Variants in ADCY9 observed in about 807,000 individuals in gnomAD.
The protein encoded by ADCY9 is adenylate cyclase 9.
In ADCY9, 50 loss-of-function variants were observed where a neutral mutation model predicts 101.5. The observed-to-expected ratio is 0.49, with a 90% CI of 0.39 to 0.62. The LOEUF (loss-of-function observed/expected upper bound fraction) is 0.62. Ranked by LOEUF, ADCY9 falls within the 20% of genes least tolerant of loss-of-function variation. The pLI is 0.00. For synonymous variants in ADCY9, 905 were observed against 769.3 expected, an observed-to-expected ratio of 1.18 and a Z score of -2.92; for missense variants, 1,662 against 1,800.4, an observed-to-expected ratio of 0.92 and a Z score of 1.39.
Position 3,966,849 on chromosome 16 carries a change from C to T in ADCY9, c.2988G>A (p.Leu996=). ...GGTAGCTGACTTCAAATTCGCGATTCAGGAACCAGACCAACAAGAGCAGGA... is the reference window on the plus strand; with the variant it reads ...GGTAGCTGACTTCAAATTCGCGATTTAGGAACCAGACCAACAAGAGCAGGA... ...FFLLLLLVWF[L]NREFEVSYRL... Residue 996 remains leucine (L), a synonymous_variant, in exon 11 of 11, where the codon CTG becomes CTA. Transcript: ENST00000294016. The T allele has an allele frequency of 6.2e-7, 1 of 1,614,200 alleles. No homozygotes were observed. The highest frequency in any genetic ancestry group is 1.3e-5 in the African/African-American group (1 of 75,060).
chr16:4,010,035 A>T (rs985058775), intron 2 of ADCY9, among the ~76,000 whole-genome samples: 1 of 152,162 alleles, frequency 6.6e-6, no homozygotes, highest in Admixed American at 6.5e-5. Flanking sequence ...GAGAGGAGGG[A>T]CATTTTTTTG....
At chr16:4,053,866 C>G (rs779297825) in intron 2 of ADCY9, among the ~76,000 whole-genome samples, 3 of 152,122 alleles carry the variant, frequency 2.0e-5, no homozygotes, top group Admixed American at 1.3e-4. Context: ...TTGCAAGGGT[C>G]TTCTGGATAG....
At chr16:4,047,576 C>T (rs1017727532) in intron 2 of ADCY9, among the ~76,000 whole-genome samples, 3 of 152,034 alleles carry the variant, frequency 2.0e-5, no homozygotes, top group Non-Finnish European at 4.4e-5. Context: ...CACTGGTATT[C>T]GTTCAAGATG....
At chr16:4,021,040 T>C (rs775889048) in intron 2 of ADCY9, among the ~76,000 whole-genome samples, 33 of 152,280 alleles carry the variant, frequency 2.2e-4, no homozygotes, top group Non-Finnish European at 4.0e-4. Context: ...TTCTAAAAAA[T>C]GTTTTAAATG....
intron 2 of ADCY9, among the ~76,000 whole-genome samples, chr16:4,091,367 C>G (rs956918050): frequency 6.6e-6 from 1 of 152,228 alleles, no homozygotes; most frequent in Admixed American, 6.5e-5. Context: ...AGCCACTGCA[C>G]CCAGCCCAAG....
rs565827985 is a variant in ADCY9 at position 4,071,288 on chromosome 16, C to A, written c.1693+42462G>T. ...GAGGTTGCAGTGAGCAGAGATGGTG[C>A]TACTTGCACTCCAGCCTGGGCAACA... On this transcript the variant is annotated intron_variant, in intron 2 of 10. Transcript: ENST00000294016. 3.1e-5 allele frequency among the ~76,000 whole-genome samples: 4 copies of A among 130,594 alleles called. No individual in the cohort carries two copies. In the East Asian group the frequency reaches 1.0e-3, roughly 33 times the overall value. 85.7% of individuals were successfully genotyped at this position (130,594 alleles called of 152,430 possible).
intron 6 of ADCY9, among the ~76,000 whole-genome samples, chr16:3,988,526 C>CCCTTCCAGGGCAGGGGGG (rs2056215771): frequency 2.7e-5 from 1 of 37,462 alleles, no homozygotes; most frequent in Non-Finnish European, 5.0e-5. Context: ...GGGCAGGTGT[C>CCCTTCCAGGGCAGGGGGG]GGGGTTCCTT....
In ADCY9 at chr16:3,997,634, G is replaced by A. The variant is rs571610636; in HGVS notation, c.1885-4124C>T. Among the ~76,000 whole-genome samples the A allele has an allele frequency of 1.1e-4, 16 of 152,344 alleles. No homozygotes were observed. In the East Asian group the frequency reaches 2.9e-3, roughly 28 times the overall value. On this transcript the variant is annotated intron_variant, in intron 3 of 10. Transcript: ENST00000294016. Reference sequence around the variant, plus strand: ...CCCACGCTCGGGCCTCCTGAGGGCCGGGACAGTGCTCACTGCCTATTCCAT... The same window carrying A: ...CCCACGCTCGGGCCTCCTGAGGGCCAGGACAGTGCTCACTGCCTATTCCAT...
At chr16:4,106,030 C>A (rs2057074808) in intron 2 of ADCY9, among the ~76,000 whole-genome samples, 1 of 152,194 alleles carries the variant, frequency 6.6e-6, no homozygotes, top group Admixed American at 6.5e-5. Flanking sequence ...TCCACTGCCA[C>A]CAGCAGCCTC....
rs375586019 is a variant in ADCY9 at position 3,966,720 on chromosome 16, G to A, written c.3117C>T (p.His1039=). ...DWLLRNIIPY[H]VAEQLKVSQT... ...GGGACACCTTCAGCTGCTCAGCCACGTGGTAGGGGATGATGTTCCTCAGCA... is the reference window on the plus strand; with the variant it reads ...GGGACACCTTCAGCTGCTCAGCCACATGGTAGGGGATGATGTTCCTCAGCA... Residue 1039 remains histidine, a synonymous_variant, in exon 11 of 11, where the codon CAC becomes CAT. Coordinates refer to ENST00000294016, the MANE Select transcript of ADCY9 (RefSeq NM_001116.4). The A allele has an allele frequency of 1.5e-5, 25 of 1,614,066 alleles. No individual in the cohort carries two copies. Among genetic ancestry groups the A allele is most frequent in the East Asian group, 4.5e-5 (2 of 44,898 alleles).
chr16:4,058,585 A>C (rs1244891889), intron 2 of ADCY9, among the ~76,000 whole-genome samples: 1 of 152,148 alleles, frequency 6.6e-6, no homozygotes, highest in Non-Finnish European at 1.5e-5. Context: ...TCCAAGATGT[A>C]ATCATGCCTA....
chr16:3,965,601 T>G lies in ADCY9; in HGVS notation c.*174A>C, dbSNP rs755795974. 3 of 646,576 alleles carry G rather than the reference T, an allele frequency of 4.6e-6. No individual in the cohort carries two copies. The highest frequency in any genetic ancestry group is 7.9e-6 in the Non-Finnish European group (3 of 380,184). The allele number at this position is 646,576 out of a possible 1,614,324, so 40.1% of individuals were successfully genotyped here. ...CAGGGAAGGGAGCGAAAGGGAAGAA[T>G]GGATGAAAATGAACCCTGAATAACT... On this transcript the variant is annotated 3_prime_UTR_variant, in exon 11 of 11. Coordinates refer to ENST00000294016, the MANE Select transcript of ADCY9 (RefSeq NM_001116.4).
rs771126398 is a variant in ADCY9, at chr16:3,992,108, T to G, written c.2207+38A>C. On this transcript the variant is annotated intron_variant, in intron 5 of 10. Coordinates refer to ENST00000294016, the MANE Select transcript of ADCY9 (RefSeq NM_001116.4). The surrounding 1 kb of genome is among the most constrained non-coding windows in gnomAD (Gnocchi z 4.2). ...AGAAAAAGGCAGAGAGGCTTCTGCC[T>G]GCAACCTTTGCTTTTTCCCAGACAG... 1 of 1,599,912 alleles carries G rather than the reference T, an allele frequency of 6.3e-7. No individual in the cohort carries two copies. Among genetic ancestry groups the G allele is most frequent in the Non-Finnish European group, 8.6e-7 (1 of 1,168,368 alleles).
At chr16:3,956,483 A>G (rs1448860315) in intron 5 of ADCY9, among the ~76,000 whole-genome samples, 2 of 33,280 alleles carry the variant, frequency 6.0e-5, no homozygotes, top group Non-Finnish European at 1.4e-4. Context: ...CACCAGCGCA[A>G]TGAGCTTTTT....
At chr16:3,998,953 C>G (rs1281039317) in intron 3 of ADCY9, among the ~76,000 whole-genome samples, 1 of 151,872 alleles carries the variant, frequency 6.6e-6, no homozygotes, top group Non-Finnish European at 1.5e-5. Context: ...CCCCCCAACC[C>G]CCATGGCAAT....
At chr16:4,113,296 G>A (rs2057125548) in intron 2 of ADCY9, among the ~76,000 whole-genome samples, 2 of 152,132 alleles carry the variant, frequency 1.3e-5, no homozygotes, top group Admixed American at 1.3e-4. Flanking sequence ...TAAGCAAAGT[G>A]AGGCCTAGAG....
chr16:4,079,049 A>T (rs920469446), intron 2 of ADCY9, among the ~76,000 whole-genome samples: 2 of 152,196 alleles, frequency 1.3e-5, no homozygotes, highest in African/African-American at 4.8e-5. Flanking sequence ...TTTTTGTTCT[A>T]TTAAAATATA....
At chr16:3,967,655 A>C (rs2056011448) in intron 10 of ADCY9, among the ~76,000 whole-genome samples, 1 of 150,840 alleles carries the variant, frequency 6.6e-6, no homozygotes, top group South Asian at 2.1e-4. Context: ...GGCCTTCCAA[A>C]GTGCTGGGAT....
chr16:4,097,642 G>A (rs2057017062), intron 2 of ADCY9, among the ~76,000 whole-genome samples: 1 of 145,196 alleles, frequency 6.9e-6, no homozygotes, highest in South Asian at 2.2e-4. Context: ...CATCTCCTGG[G>A]TTCAAGAGAT....
Sources: allele counts gnomAD v4.1 joint callset (sites outside exome capture counted in the v4.1 genomes callset), GRCh38; gene constraint gnomAD v4.1.1; non-coding constraint Gnocchi (gnomAD v3.1); transcripts MANE v1.5; gene names NCBI Gene and HGNC (gene_info 2026-07-23, HGNC 2026-07-21).